Variants in RPAP2 observed in about 807,000 individuals in gnomAD.
The protein encoded by RPAP2 is putative RNA polymerase II subunit B1 CTD phosphatase RPAP2.
A neutral mutation model predicts 73.1 loss-of-function variants in RPAP2; 52 were observed. The ratio of observed to expected loss-of-function variants is 0.71; its 90% confidence interval spans 0.57 to 0.90. The LOEUF is 0.90. Ranked by LOEUF, RPAP2 falls within the 40% of genes least tolerant of loss-of-function variation. The pLI is 0.00. For missense variants in RPAP2, 598 were observed against 701.8 expected (o/e 0.85, Z 1.67); for synonymous variants, 225 against 242.1 (o/e 0.93, Z 0.65).
chr1:92,314,354 T>TG (rs1651781919), intron 6 of RPAP2, among the ~76,000 whole-genome samples: 1 of 151,526 alleles, frequency 6.6e-6, no homozygotes, highest in African/African-American at 2.4e-5. Context: ...TTTTTGGGTT[T>TG]TTTTTTTTTT....
intron 3 of RPAP2, 53 bp downstream of exon 3, chr1:92,301,643 TG>T (rs1196754801): frequency 4.2e-6 from 3 of 715,250 alleles, no homozygotes; most frequent in Non-Finnish European, 6.7e-6. Flanking sequence ...TCTTTAAATC[TG>T]TGCAGCATGA....
intron 11 of RPAP2, among the ~76,000 whole-genome samples, chr1:92,351,699 C>G (rs1654227197): frequency 6.6e-6 from 1 of 152,050 alleles, no homozygotes; most frequent in Non-Finnish European, 1.5e-5. Flanking sequence ...ACGTCCAGAC[C>G]AAAACTGGCA....
chr1:92,311,825 A>C (rs575092379), intron 6 of RPAP2, among the ~76,000 whole-genome samples: 3 of 152,340 alleles, frequency 2.0e-5, no homozygotes, highest in Admixed American at 6.5e-5. Context: ...TTATATCTTT[A>C]AAAAATAATG....
At chr1:92,373,017 TTGA>T (rs1364547329) in intron 11 of RPAP2, among the ~76,000 whole-genome samples, 5 of 152,244 alleles carry the variant, frequency 3.3e-5, no homozygotes, top group Admixed American at 2.0e-4. Context: ...CAAGTAATTA[TTGA>T]TGATCTACAG....
In RPAP2 at chr1:92,301,607, CAAAT is replaced by C; in HGVS notation, c.234+18_234+21del. 9.3e-7 allele frequency: 1 copy of C among 1,076,886 alleles called. No individual in the cohort carries two copies. The highest frequency in any genetic ancestry group is 1.3e-6 in the Non-Finnish European group (1 of 747,714). The allele number at this position is 1,076,886 out of a possible 1,614,324, so 66.7% of individuals were successfully genotyped here. On this transcript the variant is annotated intron_variant, in intron 3 of 12. Transcript: ENST00000610020. ...ATGGAGTGTGTATGTGTTAAGTTGA[CAAAT>C]TATTAGTTTTGTAGTATAACATCTT...
At chr1:92,386,582 C>G (rs1158641804) in intron 12 of RPAP2, among the ~76,000 whole-genome samples, 3 of 152,318 alleles carry the variant, frequency 2.0e-5, no homozygotes, top group South Asian at 4.1e-4. Flanking sequence ...TCAGTCTACT[C>G]CACCCAAACT....
intron 10 of RPAP2, 90 bp downstream of exon 10, chr1:92,336,517 C>A: frequency 1.2e-6 from 1 of 836,062 alleles, no homozygotes; most frequent in Non-Finnish European, 2.0e-6. Flanking sequence ...AAGTAAGTGA[C>A]TTACCTTTCA....
chr1:92,319,998 C>CAA (rs565464720), intron 6 of RPAP2, among the ~76,000 whole-genome samples: 35 of 90,350 alleles, frequency 3.9e-4, no homozygotes, highest in African/African-American at 1.3e-3. Flanking sequence ...AACTCCATCT[C>CAA]AAAAAAAAAA....
At chr1:92,361,220 G>A (rs1290307132) in intron 11 of RPAP2, among the ~76,000 whole-genome samples, 3 of 151,802 alleles carry the variant, frequency 2.0e-5, no homozygotes, top group Non-Finnish European at 4.4e-5. Context: ...TGGACAATAT[G>A]TAAACAGTGC....
intron 10 of RPAP2, 91 bp downstream of exon 10, chr1:92,336,518 T>G (rs1653288464): frequency 1.2e-6 from 1 of 829,626 alleles, no homozygotes; most frequent in African/African-American, 1.7e-5. Flanking sequence ...AGTAAGTGAC[T>G]TACCTTTCAA....
chr1:92,345,400 AAG>A (rs1180516669), intron 10 of RPAP2, among the ~76,000 whole-genome samples: 29 of 138,318 alleles, frequency 2.1e-4, no homozygotes, highest in Admixed American at 4.2e-4. Flanking sequence ...AAAAAAAAAA[AAG>A]AGAGAGAGAG....
chr1:92,373,733 T>TA (rs1395822870), intron 11 of RPAP2, among the ~76,000 whole-genome samples: 2,734 of 40,750 alleles, frequency 0.067, 579 homozygotes, highest in East Asian at 0.13. Context: ...CCGTCTCTAC[T>TA]AAAAATAAAA....
intron 11 of RPAP2, among the ~76,000 whole-genome samples, chr1:92,360,034 A>G (rs1472552218): frequency 2.0e-5 from 3 of 152,220 alleles, no homozygotes; most frequent in East Asian, 3.8e-4. Flanking sequence ...AACGGAAGAA[A>G]TAGGCTCTGT....
chr1:92,331,454 C>T (rs752722025), intron 8 of RPAP2, among the ~76,000 whole-genome samples: 6 of 152,078 alleles, frequency 3.9e-5, no homozygotes, highest in Non-Finnish European at 8.8e-5. Flanking sequence ...ATCATTATTC[C>T]ATTTTTTAGC....
At chr1:92,325,587 T>C (rs1038236771) in intron 8 of RPAP2, among the ~76,000 whole-genome samples, 3 of 152,146 alleles carry the variant, frequency 2.0e-5, no homozygotes, top group Non-Finnish European at 4.4e-5. Flanking sequence ...TTACATAACA[T>C]GTTAAAACAT....
At chr1:92,384,154 C>T (rs1239685757) in intron 12 of RPAP2, among the ~76,000 whole-genome samples, 1 of 151,184 alleles carries the variant, frequency 6.6e-6, no homozygotes, top group Non-Finnish European at 1.5e-5. Context: ...CATGGGGTTT[C>T]ACCATGTTGG....
Position 92,396,631 on chromosome 1 carries a change from T to C in RPAP2, c.*9620T>C, listed in dbSNP as rs934815828. ...ACTAAGTTGTAATTTTTGCACAACTTTTATGTGTGTGTGTGTGTGTGTGTG... is the reference window on the plus strand; with the variant it reads ...ACTAAGTTGTAATTTTTGCACAACTCTTATGTGTGTGTGTGTGTGTGTGTG... On this transcript the variant is annotated 3_prime_UTR_variant, in exon 13 of 13. Transcript: ENST00000610020. 8.3e-6 allele frequency: 1 copy of C among 120,058 alleles called. No individual in the cohort carries two copies. The highest frequency in any genetic ancestry group is 1.8e-5 in the Non-Finnish European group (1 of 55,856). 7.4% of individuals were successfully genotyped at this position (120,058 alleles called of 1,614,324 possible).
chr1:92,385,027 G>A (rs1655807448), intron 12 of RPAP2, among the ~76,000 whole-genome samples: 2 of 151,052 alleles, frequency 1.3e-5, no homozygotes, highest in South Asian at 4.2e-4. Flanking sequence ...GTCAGATATG[G>A]TTGCCTACAG....
At chr1:92,384,038 C>T (rs1044460126) in intron 12 of RPAP2, among the ~76,000 whole-genome samples, 1 of 151,534 alleles carries the variant, frequency 6.6e-6, no homozygotes, top group Non-Finnish European at 1.5e-5. Flanking sequence ...CAGCTCACTG[C>T]AACACCTGCC....
Sources: gnomAD v4.1 joint callset for allele counts (sites outside exome capture counted in the v4.1 genomes callset) on GRCh38, gnomAD v4.1.1 for gene constraint, MANE v1.5 for transcripts, NCBI Gene and HGNC (gene_info 2026-07-23, HGNC 2026-07-21) for gene names.